CRIP2: variants seen among roughly 807,000 people sequenced by gnomAD.
CRIP2 encodes the protein cysteine-rich protein 2.
A neutral mutation model predicts 31.3 loss-of-function variants in CRIP2; 31 were observed. The ratio of observed to expected loss-of-function variants is 0.99; its 90% CI spans 0.74 to 1.34. The LOEUF (loss-of-function observed/expected upper bound fraction) is 1.34. CRIP2 is among the 40% of genes most tolerant of loss of function. The pLI, the probability that CRIP2 is intolerant of heterozygous loss-of-function variation, is 0.00. For synonymous variants in CRIP2, 177 were observed against 127.2 expected (o/e 1.39, Z -2.63); for missense variants, 389 against 301.6 (o/e 1.29, Z -2.15).
chr14:105,479,407 CCT>C (rs781898537), intron 6 of CRIP2, 27 bp from the exon 7 acceptor site: 1 of 1,612,348 alleles, frequency 6.2e-7, no homozygotes, highest in Non-Finnish European at 8.5e-7. Context: ...TCTGTGGACT[CCT>C]CCCTCAGCAC....
At position 105,478,399 on chromosome 14, in the gene CRIP2, G is replaced by A. The variant is rs1452296299; in HGVS notation, c.138+39G>A. The A allele has an allele frequency of 3.2e-6, 5 of 1,574,774 alleles. No individual in the cohort carries two copies. The highest frequency in any genetic ancestry group is 2.6e-6 in the Non-Finnish European group (3 of 1,164,858). Reference sequence around the variant, plus strand: ...CGCGGCGCGGGCGGGGGCGGGGGTCGCGACTCCCGCCACCCTCAGGCAGGG... The same window carrying A: ...CGCGGCGCGGGCGGGGGCGGGGGTCACGACTCCCGCCACCCTCAGGCAGGG... On this transcript the variant is annotated intron_variant, in intron 2 of 7. Coordinates refer to ENST00000329146, the MANE Select transcript of CRIP2 (RefSeq NM_001312.4). This position sits in a 1 kb window ranked among gnomAD's most constrained non-coding sequence, Gnocchi z 4.9.
At chr14:105,479,308 G>C (rs941367049) in intron 6 of CRIP2, 89 bp downstream of exon 6, 42 of 1,513,978 alleles carry the variant, frequency 2.8e-5, no homozygotes, top group Non-Finnish European at 2.9e-5. Flanking sequence ...GGGGATGGGG[G>C]GTGGTGCTTC....
In CRIP2 at chr14:105,479,970, T is replaced by TGCCC; in HGVS notation, c.*318_*321dup. The TGCCC allele has an allele frequency of 2.6e-6, 1 of 388,166 alleles. No individual in the cohort carries two copies. The highest frequency in any genetic ancestry group is 2.9e-5 in the South Asian group (1 of 34,626). 24.0% of individuals were successfully genotyped at this position (388,166 alleles called of 1,614,324 possible). ...GCGCTGTCCGCTCTCCCTCTCCTGC[T>TGCCC]GCCCACCCACCTGCCAGTGTTATTT... On this transcript the variant is annotated 3_prime_UTR_variant, in exon 8 of 8. Coordinates refer to ENST00000329146, the MANE Select transcript of CRIP2 (RefSeq NM_001312.4).
In CRIP2 at chr14:105,478,222, G is replaced by A. The variant is rs781916050; in HGVS notation, c.44-44G>A. ...GCCAGGTGGGGGCGGAGGGGGTGCG[G>A]GGCGCGCCCCGGCCCTGACCCCCCT... On this transcript the variant is annotated intron_variant, in intron 1 of 7. Transcript: ENST00000329146. This position sits in a 1 kb window ranked among gnomAD's most constrained non-coding sequence, Gnocchi z 4.9. 1.3e-5 allele frequency: 18 copies of A among 1,424,370 alleles called. No individual in the cohort carries two copies. Among genetic ancestry groups the A allele is most frequent in the Non-Finnish European group, 1.6e-5 (17 of 1,081,890 alleles). 88.2% of individuals were successfully genotyped at this position (1,424,370 alleles called of 1,614,324 possible).
Position 105,479,031 on chromosome 14 carries a change from CAAG to C in CRIP2, c.394_396del (p.Lys132del), listed in dbSNP as rs2084023087. 4 of 1,583,040 alleles carry C rather than the reference CAAG, an allele frequency of 2.5e-6. No individual in the cohort carries two copies. Among genetic ancestry groups the C allele is most frequent in the Non-Finnish European group, 3.4e-6 (4 of 1,166,930 alleles). ...AGCCCAACACGTGCCCGCGCTGCAG[CAAG>C]AAGGTGTACTTCGGTGAGTGCGCGC... On this transcript the variant is annotated inframe_deletion, in exon 5 of 8. Transcript: ENST00000329146.
Position 105,478,273 on chromosome 14 carries a change from G to A in CRIP2, c.51G>A (p.Lys17=). 4 of 1,558,156 alleles carry A rather than the reference G, an allele frequency of 2.6e-6. No homozygotes were observed. The highest frequency in any genetic ancestry group is 1.9e-5 in the Admixed American group (1 of 53,424). The change falls in exon 2 of 8, where the codon AAG becomes AAA. Residue 17 remains lysine, a synonymous_variant. Transcript: ENST00000329146. This position sits in a 1 kb window ranked among gnomAD's most constrained non-coding sequence, Gnocchi z 4.9. ...GCCGCCCCTCCCGCTCAGCCGAGAAGGTGAGCTCCCTGGGGAAGGACTGGC... is the reference window on the plus strand; with the variant it reads ...GCCGCCCCTCCCGCTCAGCCGAGAAAGTGAGCTCCCTGGGGAAGGACTGGC... ...KCDKTVYFAE[K]VSSLGKDWHK...
At chr14:105,473,331 G>A (rs1555435134), upstream of CRIP2, 1 of 1,137,700 alleles carries the variant, frequency 8.8e-7, no homozygotes, top group African/African-American at 1.6e-5. Flanking sequence ...GTCGGGCGGG[G>A]GGGCGGGGGG....
In CRIP2 at chr14:105,477,805, GGGGGGAGGCGGGCGTGT is replaced by G. The variant is rs372116355; in HGVS notation, c.44-448_44-432del. On this transcript the variant is annotated intron_variant, in intron 1 of 7. Transcript: ENST00000329146. ...GGTGTGTGGGAGGAGGCAGATTTGT[GGGGGGAGGCGGGCGTGT>G]GGGGGAGGCGGGTGTGAGGCGGGTG... Among the ~76,000 whole-genome samples the G allele has an allele frequency of 3.0e-3, 373 of 122,972 alleles. 17 individuals are homozygous for G. The highest frequency in any genetic ancestry group is 0.012 in the African/African-American group (355 of 30,000). 80.7% of individuals were successfully genotyped at this position (122,972 alleles called of 152,430 possible). A position where few individuals can be genotyped will look rare whatever the true frequency, so the allele number is the denominator to read the frequency against.
rs1555436259 is a variant in CRIP2, at chr14:105,477,994, A to G, written c.44-272A>G. 2.0e-5 allele frequency among the ~76,000 whole-genome samples: 3 copies of G among 151,450 alleles called. 1 individual carries two copies. Among genetic ancestry groups the G allele is most frequent in the South Asian group, 4.2e-4 (2 of 4,814 alleles). ...CACCGCAGGCACTGAGGGGACTAAC[A>G]GGGCAGCCCCGGGCCCCTTCTCAAA... On this transcript the variant is annotated intron_variant, in intron 1 of 7. Coordinates refer to ENST00000329146, the MANE Select transcript of CRIP2 (RefSeq NM_001312.4).
In CRIP2 at chr14:105,478,314, A is replaced by C; in HGVS notation, c.92A>C (p.Lys31Thr). 6.4e-7 allele frequency: 1 copy of C among 1,573,274 alleles called. No individual in the cohort carries two copies. Among genetic ancestry groups the C allele is most frequent in the Non-Finnish European group, 8.6e-7 (1 of 1,162,118 alleles). The part of the protein sequence containing the change: ...LGKDWHKFCL[K>T]CERCSKTLTP... The stretch of plus-strand genomic sequence containing the variant: ...AAGGACTGGCACAAGTTCTGCCTCA[A>C]GTGCGAGCGCTGCAGCAAGACGCTG... Residue 31 changes from lysine (K) to threonine (T), a missense_variant, in exon 2 of 8, where the codon AAG becomes ACG. Physicochemically the swap from Lys to Thr is moderately conservative, Grantham distance 78. Coordinates refer to ENST00000329146, the MANE Select transcript of CRIP2 (RefSeq NM_001312.4). The surrounding 1 kb of genome is among the most constrained non-coding windows in gnomAD (Gnocchi z 4.9).
Position 105,478,807 on chromosome 14 carries a change from C to A in CRIP2, c.273C>A (p.Ile91=). Residue 91 remains isoleucine, a synonymous_variant, in exon 4 of 8, where the codon ATC becomes ATA. Transcript: ENST00000329146. The surrounding 1 kb of genome is among the most constrained non-coding windows in gnomAD (Gnocchi z 4.9). ...AGGGGCCGCAGGTCACCGGCCCCAT[C>A]GAGGTCCCCGCGGCCCGAGCAGAGG... The part of the protein sequence containing the change: ...LAEGPQVTGP[I]EVPAARAEER... The A allele has an allele frequency of 7.0e-7, 1 of 1,431,384 alleles. No individual in the cohort carries two copies. 88.7% of individuals were successfully genotyped at this position (1,431,384 alleles called of 1,614,324 possible). A position where few individuals can be genotyped will look rare whatever the true frequency, so the allele number is the denominator to read the frequency against.
At position 105,478,580 on chromosome 14, in the gene CRIP2, G is replaced by T; in HGVS notation, c.196+73G>T. ...CGTGGCGCTGGCGCTGGGGAGGGCT[G>T]GGGGTCCCGGCCGCCGTGGATCCCC... On this transcript the variant is annotated intron_variant, in intron 3 of 7. Transcript: ENST00000329146. This position sits in a 1 kb window ranked among gnomAD's most constrained non-coding sequence, Gnocchi z 4.9. 6.5e-7 allele frequency: 1 copy of T among 1,545,128 alleles called. No homozygotes were observed. The highest frequency in any genetic ancestry group is 2.4e-5 in the East Asian group (1 of 41,806).
In CRIP2 at chr14:105,479,203, C is replaced by T; in HGVS notation, c.485C>T (p.Pro162Leu). 6.2e-7 allele frequency: 1 copy of T among 1,610,968 alleles called. No individual in the cohort carries two copies. Among genetic ancestry groups the T allele is most frequent in the Non-Finnish European group, 8.5e-7 (1 of 1,179,280 alleles). Reference sequence around the variant, plus strand: ...GAGCGCTGCGGGAAGACACTGACCCCCGGCGGGCACGCGGAGGTGAGGGGA... The same window carrying T: ...GAGCGCTGCGGGAAGACACTGACCCTCGGCGGGCACGCGGAGGTGAGGGGA... ...RCERCGKTLT[P>L]GGHAEHDGQP... The change falls in exon 6 of 8, where the codon CCC becomes CTC. Residue 162 changes from proline to leucine, a missense_variant. Transcript: ENST00000329146.
upstream of CRIP2, chr14:105,473,406 A>G: frequency 6.5e-7 from 1 of 1,535,504 alleles, no homozygotes; most frequent in Non-Finnish European, 8.7e-7. Context: ...GCAAGGGAGG[A>G]GGGTGCTGCC....
chr14:105,474,663 C>T, upstream of CRIP2: 3 of 544,476 alleles, frequency 5.5e-6, no homozygotes, highest in African/African-American at 2.1e-5. The surrounding 1 kb of genome is among the most constrained non-coding windows in gnomAD (Gnocchi z 5.1). Flanking sequence ...GGCTGCCCCG[C>T]ACCCGCCACC....
chr14:105,476,706 C>T (rs1316361841), intron 1 of CRIP2: 8 of 985,358 alleles, frequency 8.1e-6, no homozygotes, highest in East Asian at 2.3e-4. Context: ...TGCTGGGACA[C>T]GCCTGCCCAC....
chr14:105,478,350 G>T lies in CRIP2; in HGVS notation c.128G>T (p.Gly43Val). 3 of 1,561,294 alleles carry T rather than the reference G, an allele frequency of 1.9e-6. No homozygotes were observed. The highest frequency in any genetic ancestry group is 2.6e-6 in the Non-Finnish European group (3 of 1,157,176). ...ERCSKTLTPG[G>V]HAEHDGKPFC... is the part of the protein sequence containing the mutation. ...TGCAGCAAGACGCTGACGCCCGGGG[G>T]CCACGCCGAGGTGAGCCCCACTGCG... Residue 43 changes from glycine to valine, a missense_variant, in exon 2 of 8, where the codon GGC becomes GTC. Coordinates refer to ENST00000329146, the MANE Select transcript of CRIP2 (RefSeq NM_001312.4). This position sits in a 1 kb window ranked among gnomAD's most constrained non-coding sequence, Gnocchi z 4.9.
At chr14:105,474,569 C>A (rs1555435316), upstream of CRIP2, 1 of 154,958 alleles carries the variant, frequency 6.5e-6, no homozygotes, top group Non-Finnish European at 1.4e-5. The surrounding 1 kb of genome is among the most constrained non-coding windows in gnomAD (Gnocchi z 5.1). Flanking sequence ...ACAGCCGGGG[C>A]GCGGGCGGCG....
rs781810871 is a variant in CRIP2, at chr14:105,478,240, AC to A, written c.44-20del. ...GGGTGCGGGGCGCGCCCCGGCCCTG[AC>A]CCCCCTGCCGCCCCTCCCGCTCAGC... On this transcript the variant is annotated intron_variant, in intron 1 of 7. Transcript: ENST00000329146. This position sits in a 1 kb window ranked among gnomAD's most constrained non-coding sequence, Gnocchi z 4.9. 6.7e-6 allele frequency: 10 copies of A among 1,495,764 alleles called. No homozygotes were observed. Among genetic ancestry groups the A allele is most frequent in the South Asian group, 1.2e-5 (1 of 80,622 alleles). The allele number at this position is 1,495,764 out of a possible 1,614,324, so 92.7% of individuals were successfully genotyped here. A position where few individuals can be genotyped will look rare whatever the true frequency, so the allele number is the denominator to read the frequency against.
Sources: allele counts gnomAD v4.1 joint callset (sites outside exome capture counted in the v4.1 genomes callset), GRCh38; gene constraint gnomAD v4.1.1; non-coding constraint Gnocchi (gnomAD v3.1); transcripts MANE v1.5; gene names NCBI Gene and HGNC (gene_info 2026-07-23, HGNC 2026-07-21).